SPOCK3: variants seen among roughly 807,000 people sequenced by gnomAD.
SPOCK3 encodes testican-3.
A neutral mutation model predicts 56.6 loss-of-function variants in SPOCK3; 30 were observed. That is an observed-to-expected ratio of 0.53 (90% CI 0.40 to 0.72). The LOEUF (loss-of-function observed/expected upper bound fraction) is 0.72, where lower values mean the gene tolerates loss of function less well. Among genes scored for constraint, SPOCK3 ranks in the 30% least tolerant of loss-of-function variants. The probability of loss-of-function intolerance (pLI) is 0.00; values close to 1 mark genes in which losing one functional copy is unlikely to be tolerated. For synonymous variants in SPOCK3, 196 were observed against 183.3 expected (o/e 1.07, Z -0.56); for missense variants, 527 against 530.0 (o/e 0.99, Z 0.06).
At chr4:166,824,041 G>T (rs566482739) in intron 6 of SPOCK3, among the ~76,000 whole-genome samples, 2 of 152,012 alleles carry the variant, frequency 1.3e-5, no homozygotes, top group South Asian at 2.1e-4. Flanking sequence ...CCCTTGCCCT[G>T]CTCCTGAGTG....
At chr4:167,197,003 T>G (rs1733020028) in intron 2 of SPOCK3, among the ~76,000 whole-genome samples, 1 of 152,064 alleles carries the variant, frequency 6.6e-6, no homozygotes, top group Non-Finnish European at 1.5e-5. Context: ...TTTATCAAGG[T>G]TTATTGTTGA....
chr4:166,736,676 T>C (rs1229091488), intron 10 of SPOCK3, among the ~76,000 whole-genome samples: 3 of 152,042 alleles, frequency 2.0e-5, no homozygotes, highest in East Asian at 3.8e-4. Context: ...TTTATATTAA[T>C]TGAAACACAA....
intron 2 of SPOCK3, among the ~76,000 whole-genome samples, chr4:167,176,034 C>T (rs1730952086): frequency 6.6e-6 from 1 of 152,068 alleles, no homozygotes. Flanking sequence ...TCTGGAGGTG[C>T]TATAGAATGC....
chr4:166,979,024 A>G (rs1284495646), intron 4 of SPOCK3, among the ~76,000 whole-genome samples: 2 of 152,196 alleles, frequency 1.3e-5, no homozygotes, highest in Admixed American at 6.5e-5. Flanking sequence ...AAGAACAATC[A>G]TAATAATTCT....
At chr4:167,045,595 T>G (rs2150209461) in intron 3 of SPOCK3, among the ~76,000 whole-genome samples, 1 of 152,242 alleles carries the variant, frequency 6.6e-6, no homozygotes, top group Non-Finnish European at 1.5e-5. Flanking sequence ...TATACCGTTT[T>G]AAGTAGTTTC....
intron 4 of SPOCK3, among the ~76,000 whole-genome samples, chr4:166,966,365 A>T (rs1322134110): frequency 6.6e-6 from 1 of 152,032 alleles, no homozygotes; most frequent in Non-Finnish European, 1.5e-5. Flanking sequence ...ATTATTTCAT[A>T]TAACATTGTT....
intron 2 of SPOCK3, among the ~76,000 whole-genome samples, chr4:167,091,033 C>T (rs1170810824): frequency 1.3e-5 from 2 of 152,096 alleles, no homozygotes; most frequent in Non-Finnish European, 2.9e-5. Flanking sequence ...ATTTTCATTG[C>T]TATGGCTACA....
At position 166,866,407 on chromosome 4, in the gene SPOCK3, C is replaced by A. The variant is rs1731847159; in HGVS notation, c.589+22723G>T. On this transcript the variant is annotated intron_variant, in intron 6 of 10. Transcript: ENST00000357545. ...ATGACTAAAACCCCAAAAGCAATTG[C>A]AGCAAAAGCCAAAATTGACAAATGG... Among the ~76,000 whole-genome samples, 5 of 152,196 alleles carry A rather than the reference C, an allele frequency of 3.3e-5. No homozygotes were observed. The South Asian group carries it at 1.0e-3, about 32-fold the overall frequency.
intron 3 of SPOCK3, 109 bp downstream of exon 3, chr4:167,062,383 C>T (rs1036035005): frequency 4.2e-6 from 3 of 710,650 alleles, no homozygotes; most frequent in Non-Finnish European, 2.2e-6. Context: ...TTCATGTAAG[C>T]TCTTCTATTT....
At chr4:167,000,617 C>T (rs1748853019) in intron 3 of SPOCK3, among the ~76,000 whole-genome samples, 154 bp from the exon 4 acceptor site, 1 of 152,066 alleles carries the variant, frequency 6.6e-6, no homozygotes, top group Admixed American at 6.6e-5. Context: ...CTGCTTCTAC[C>T]CACATAACTC....
At chr4:166,735,497 A>T (rs1423768335) in intron 10 of SPOCK3, among the ~76,000 whole-genome samples, 1 of 152,096 alleles carries the variant, frequency 6.6e-6, no homozygotes, top group Non-Finnish European at 1.5e-5. Flanking sequence ...TAACATGAAA[A>T]AGTGACTTTG....
rs1762849045 is a variant in SPOCK3, at chr4:167,133,358, A to T, written c.190-70821T>A. ...AGAGGTTTCTCCTGCAGGTCCCCAG[A>T]TGTAACACAGCACTTGAGTTTAGCC... On this transcript the variant is annotated intron_variant, in intron 2 of 10. Coordinates refer to ENST00000357545, the MANE Select transcript of SPOCK3 (RefSeq NM_001040159.2). Among the ~76,000 whole-genome samples, 5 of 152,294 alleles carry T rather than the reference A, an allele frequency of 3.3e-5. No individual in the cohort carries two copies. In the South Asian group the frequency reaches 1.0e-3, roughly 32 times the overall value.
chr4:167,040,017 G>T (rs927696967), intron 3 of SPOCK3, among the ~76,000 whole-genome samples: 5 of 152,064 alleles, frequency 3.3e-5, no homozygotes, highest in African/African-American at 1.2e-4. Flanking sequence ...TTTGCAGAAC[G>T]ACTAAGTTGT....
At chr4:167,026,395 G>T (rs971810148) in intron 3 of SPOCK3, among the ~76,000 whole-genome samples, 1 of 152,018 alleles carries the variant, frequency 6.6e-6, no homozygotes, top group South Asian at 2.1e-4. Flanking sequence ...ATATCTGAAA[G>T]AAAGTATTAA....
At chr4:167,129,769 TA>T (rs1006650682) in intron 2 of SPOCK3, among the ~76,000 whole-genome samples, 23 of 152,178 alleles carry the variant, frequency 1.5e-4, no homozygotes, top group African/African-American at 5.5e-4. Context: ...AGATAAAAAA[TA>T]AAATATAAAT....
At chr4:167,109,408 AATATATATATAAAT>A (rs1561225447) in intron 2 of SPOCK3, among the ~76,000 whole-genome samples, 3 of 87,460 alleles carry the variant, frequency 3.4e-5, no homozygotes, top group African/African-American at 1.3e-4. Flanking sequence ...TTTATATATA[AATATATATATAAAT>A]ATATATATGA....
At chr4:167,028,211 A>T (rs1266548548) in intron 3 of SPOCK3, among the ~76,000 whole-genome samples, 1 of 146,618 alleles carries the variant, frequency 6.8e-6, no homozygotes, top group East Asian at 2.0e-4. Context: ...ACAGATCAAG[A>T]CCCTGTCTTT....
At chr4:166,869,579 C>T (rs182029670) in intron 6 of SPOCK3, among the ~76,000 whole-genome samples, 234 of 150,838 alleles carry the variant, frequency 1.6e-3, no homozygotes, top group Non-Finnish European at 3.0e-3. Flanking sequence ...TACACCAGTA[C>T]ATTATGTAAT....
intron 4 of SPOCK3, among the ~76,000 whole-genome samples, chr4:166,999,102 T>C (rs1324349973): frequency 6.6e-6 from 1 of 152,164 alleles, no homozygotes; most frequent in Non-Finnish European, 1.5e-5. Context: ...TTTACAGAAT[T>C]GTGATTTCCA....
Sources: gnomAD v4.1 joint callset for allele counts (sites outside exome capture counted in the v4.1 genomes callset) on GRCh38, gnomAD v4.1.1 for gene constraint, MANE v1.5 for transcripts, NCBI Gene and HGNC (gene_info 2026-07-23, HGNC 2026-07-21) for gene names.